CLEC16A: variants seen among roughly 807,000 people sequenced by gnomAD.
CLEC16A encodes protein CLEC16A.
In CLEC16A, 51 loss-of-function variants were observed where a neutral mutation model predicts 109.5. The observed-to-expected ratio is 0.47, with a 90% CI of 0.37 to 0.59. The LOEUF is 0.59. Among genes scored for constraint, CLEC16A ranks in the 20% least tolerant of loss-of-function variants. The pLI is 0.00. For missense variants in CLEC16A, 1,339 were observed against 1,394.0 expected (o/e 0.96, Z 0.63); for synonymous variants, 673 against 564.2 (o/e 1.19, Z -2.73).
chr16:11,067,323 C>T (rs980349725), intron 19 of CLEC16A, among the ~76,000 whole-genome samples: 1 of 149,878 alleles, frequency 6.7e-6, no homozygotes, highest in Admixed American at 6.7e-5. Flanking sequence ...CTCAGATGAC[C>T]ACCGTGTTTC....
At chr16:11,002,990 G>C in intron 10 of CLEC16A, 84 bp from the exon 11 acceptor site, 1 of 1,083,606 alleles carries the variant, frequency 9.2e-7, no homozygotes, top group South Asian at 1.6e-5. Context: ...AGTTTCTTAG[G>C]ACAGAAACTT....
chr16:11,028,170 A>G (rs2046529524), intron 13 of CLEC16A, among the ~76,000 whole-genome samples: 1 of 152,254 alleles, frequency 6.6e-6, no homozygotes. Context: ...ATTGCACTCC[A>G]GCCTGGGCAA....
intron 19 of CLEC16A, among the ~76,000 whole-genome samples, chr16:11,075,442 G>C (rs567948126): frequency 3.0e-4 from 45 of 151,418 alleles, no homozygotes; most frequent in Non-Finnish European, 5.5e-4. Context: ...GTGTGTGTGT[G>C]TGTGTGTGTT....
At chr16:11,045,175 C>G (rs889649526) in intron 16 of CLEC16A, among the ~76,000 whole-genome samples, 117 of 151,394 alleles carry the variant, frequency 7.7e-4, no homozygotes, top group African/African-American at 2.8e-3. Context: ...GAAACCCTGT[C>G]TTTACTAAGA....
chr16:11,173,861 A>T (rs2068628574), intron 23 of CLEC16A, among the ~76,000 whole-genome samples: 1 of 152,002 alleles, frequency 6.6e-6, no homozygotes, highest in African/African-American at 2.4e-5. Context: ...TTCCTTTCCA[A>T]CAGGACTCCA....
Position 11,003,090 on chromosome 16 carries a change from G to T in CLEC16A, c.1088G>T (p.Arg363Leu), listed in dbSNP as rs775920891. Reference protein sequence around the residue: ...IQRSSAKPSIRCFIKPTETLE... With the variant: ...IQRSSAKPSILCFIKPTETLE... ...CTTTCCTAGGCCAAGCCCAGCATTC[G>T]GTGCTTCATTAAACCCACCGAGACA... The change falls in exon 11 of 24, where the codon CGG (arginine) becomes CTG (leucine). Residue 363 changes from arginine to leucine, a missense_variant. Physicochemically the swap from Arg to Leu is moderately radical, Grantham distance 102. Transcript: ENST00000409790. The T allele has an allele frequency of 6.2e-7, 1 of 1,609,402 alleles. No homozygotes were observed. The highest frequency in any genetic ancestry group is 2.2e-5 in the East Asian group (1 of 44,710).
At chr16:11,067,402 A>G (rs545244730) in intron 19 of CLEC16A, among the ~76,000 whole-genome samples, 3 of 151,678 alleles carry the variant, frequency 2.0e-5, no homozygotes, top group Admixed American at 1.3e-4. Flanking sequence ...GGAGGGGCCC[A>G]TTTGAGGGCT....
intron 19 of CLEC16A, among the ~76,000 whole-genome samples, chr16:11,093,862 A>G (rs1052031604): frequency 2.0e-5 from 3 of 152,160 alleles, no homozygotes; most frequent in Non-Finnish European, 4.4e-5. Context: ...TGGAGGCGGC[A>G]GCTGGTGAAA....
At chr16:11,100,722 G>A (rs1227439306) in intron 19 of CLEC16A, among the ~76,000 whole-genome samples, 1 of 152,206 alleles carries the variant, frequency 6.6e-6, no homozygotes, top group African/African-American at 2.4e-5. Context: ...GGTTTTGAGT[G>A]CTTAGCTCAG....
At chr16:11,074,758 C>A (rs764609585) in intron 19 of CLEC16A, among the ~76,000 whole-genome samples, 1 of 152,252 alleles carries the variant, frequency 6.6e-6, no homozygotes, top group Non-Finnish European at 1.5e-5. Context: ...CTGAAAAACA[C>A]ACACACACAA....
intron 1 of CLEC16A, among the ~76,000 whole-genome samples, chr16:10,948,343 G>C (rs1212048378): frequency 6.6e-6 from 1 of 152,198 alleles, no homozygotes; most frequent in East Asian, 1.9e-4. Flanking sequence ...TTTTACTTTT[G>C]CTAAATGGTA....
chr16:11,060,816 T>G, intron 18 of CLEC16A, 86 bp from the exon 19 acceptor site: 1 of 1,327,808 alleles, frequency 7.5e-7, no homozygotes, highest in Non-Finnish European at 1.0e-6. Flanking sequence ...TAATAGAGAG[T>G]CATGGTGTCA....
At chr16:10,973,108 G>A (rs758888962) in intron 7 of CLEC16A, 47 bp downstream of exon 7, 1 of 1,548,924 alleles carries the variant, frequency 6.5e-7, no homozygotes. Context: ...AGGGTGGTTA[G>A]GGGAGAATTC....
chr16:11,157,674 C>T (rs1294451104), intron 22 of CLEC16A, among the ~76,000 whole-genome samples: 1 of 152,100 alleles, frequency 6.6e-6, no homozygotes, highest in Admixed American at 6.5e-5. Context: ...GTGTAGATTC[C>T]TAAGAGGAGT....
chr16:11,138,632 CTTCCTTACCT>C (rs771703364), intron 22 of CLEC16A, among the ~76,000 whole-genome samples: 1 of 152,200 alleles, frequency 6.6e-6, no homozygotes, highest in Non-Finnish European at 1.5e-5. Flanking sequence ...GGGGTGCGGC[CTTCCTTACCT>C]TTCTCTGGCC....
At chr16:11,007,457 A>G (rs1156618297) in intron 11 of CLEC16A, among the ~76,000 whole-genome samples, 1 of 152,126 alleles carries the variant, frequency 6.6e-6, no homozygotes, top group African/African-American at 2.4e-5. Flanking sequence ...GAGAGTTGAG[A>G]TCTGAATCCC....
Position 11,174,104 on chromosome 16 carries a change from G to T in CLEC16A, c.2807-4231G>T, listed in dbSNP as rs776566860. 4.4e-6 allele frequency: 2 copies of T among 451,794 alleles called. No homozygotes were observed. Among genetic ancestry groups the T allele is most frequent in the Non-Finnish European group, 9.3e-6 (2 of 214,138 alleles). 28.0% of individuals were successfully genotyped at this position (451,794 alleles called of 1,614,324 possible). On this transcript the variant is annotated intron_variant, in intron 23 of 23. Transcript: ENST00000409790. This position sits in a 1 kb window ranked among gnomAD's most constrained non-coding sequence, Gnocchi z 4.7. ...GTGTCCCCTCCATGTCGCCTCTGCC[G>T]TCCCATTGTTAAAGGCTTTCTATGA...
chr16:10,998,359 A>G (rs967575930), intron 10 of CLEC16A, among the ~76,000 whole-genome samples: 6 of 152,184 alleles, frequency 3.9e-5, no homozygotes, highest in African/African-American at 1.4e-4. Context: ...TGCAGTCAGC[A>G]AAGAGGCTCC....
intron 22 of CLEC16A, among the ~76,000 whole-genome samples, chr16:11,148,483 C>T (rs1454577497): frequency 2.0e-5 from 3 of 152,182 alleles, no homozygotes; most frequent in African/African-American, 7.2e-5. Context: ...TGTGTGTACT[C>T]TTCTCACTTA....
Sources: gnomAD v4.1 joint callset for allele counts (sites outside exome capture counted in the v4.1 genomes callset) on GRCh38, gnomAD v4.1.1 for gene constraint, Gnocchi (gnomAD v3.1) non-coding constraint, MANE v1.5 for transcripts, NCBI Gene and HGNC (gene_info 2026-07-23, HGNC 2026-07-21) for gene names.